The following SAFB2 variants were observed in gnomAD, a reference collection of about 807,000 sequenced individuals.
SAFB2 encodes scaffold attachment factor B2.
Under a neutral mutation model 100.6 loss-of-function variants are expected in SAFB2, and 32 were observed. The observed-to-expected ratio is 0.32, with a 90% CI of 0.24 to 0.43. The LOEUF (loss-of-function observed/expected upper bound fraction) is 0.43. Ranked by LOEUF, SAFB2 falls within the 20% of genes least tolerant of loss-of-function variation. The probability of loss-of-function intolerance (pLI) is 1.00; values close to 1 mark genes in which losing one functional copy is unlikely to be tolerated. For synonymous variants in SAFB2, 500 were observed against 439.4 expected (o/e 1.14, Z -1.72); for missense variants, 1,185 against 1,163.4 (o/e 1.02, Z -0.27).
chr19:5,593,935 G>C lies in SAFB2; in HGVS notation c.2163C>G (p.Tyr721Ter). The change falls in exon 15 of 21, where the codon TAC becomes TAG. Residue 721 changes from tyrosine (Y) to a stop codon, truncating the protein, a stop_gained. Transcript: ENST00000252542. LOFTEE classifies it high-confidence loss of function. ...TCCGCCCGGGCCGCCGCTCCTGCTC[G>C]TAACGCAGCTGCTCCTGCTGGCGCC... is the stretch of plus-strand genomic sequence containing the variant. ...ELRRQQEQLR[Y>*]EQERRPGRRP... 6.4e-7 allele frequency: 1 copy of C among 1,550,934 alleles called. No homozygotes were observed. Among genetic ancestry groups the C allele is most frequent in the Non-Finnish European group, 8.6e-7 (1 of 1,158,540 alleles).
chr19:5,622,055 C>T (rs1452652559), intron 1 of SAFB2, among the ~76,000 whole-genome samples: 1 of 152,198 alleles, frequency 6.6e-6, no homozygotes, highest in East Asian at 1.9e-4. Flanking sequence ...AACAAGGGGC[C>T]GGCCACGAGA....
At chr19:5,596,566 ACTC>A (rs777121137) in intron 13 of SAFB2, among the ~76,000 whole-genome samples, 14 of 152,010 alleles carry the variant, frequency 9.2e-5, no homozygotes, top group Non-Finnish European at 1.5e-4. Context: ...CTGGTCTCAA[ACTC>A]CTGAGCTCAA....
At chr19:5,591,851 G>C (rs377168029) in intron 16 of SAFB2, 58 bp from the exon 17 acceptor site, 3 of 1,569,844 alleles carry the variant, frequency 1.9e-6, no homozygotes, top group Admixed American at 3.4e-5. Flanking sequence ...CATTTCTGCA[G>C]GTCAGGCAAG....
Position 5,610,030 on chromosome 19 carries a change from T to C in SAFB2, c.1261A>G (p.Thr421Ala), listed in dbSNP as rs759105724. 5 of 1,614,178 alleles carry C rather than the reference T, an allele frequency of 3.1e-6. No individual in the cohort carries two copies. The highest frequency in any genetic ancestry group is 3.4e-6 in the Non-Finnish European group (4 of 1,180,012). The change falls in exon 9 of 21, where the codon ACG becomes GCG. Residue 421 changes from threonine to alanine, a missense_variant. By Grantham distance (58) the Thr-to-Ala change is moderately conservative. Transcript: ENST00000252542. ...TTGCTGAAAAGGTTCTTGAGATCCG[T>C]AGCGCGTGTTGTGGAGGACAGCCCG... The part of the protein sequence containing the change: ...VSGLSSTTRA[T>A]DLKNLFSKYG...
chr19:5,622,671 C>T lies in SAFB2; in HGVS notation c.45G>A (p.Thr15=), dbSNP rs747069900. 6.2e-7 allele frequency: 1 copy of T among 1,607,728 alleles called. No individual in the cohort carries two copies. The highest frequency in any genetic ancestry group is 1.7e-5 in the Admixed American group (1 of 59,818). ...CCGCAACGCCCGGGCCGAGAGAAGC[C>T]GTGCCAGGGCCCGAGTCGCCCGACC... ...LPGSGDSGPG[T]ASLGPGVAET... is the part of the protein sequence containing the mutation. The change falls in exon 1 of 21, where the codon ACG becomes ACA. Residue 15 remains threonine (T), a synonymous_variant. Transcript: ENST00000252542.
chr19:5,620,744 G>T (rs987631258), intron 2 of SAFB2, among the ~76,000 whole-genome samples: 3 of 152,238 alleles, frequency 2.0e-5, no homozygotes, highest in African/African-American at 7.2e-5. Flanking sequence ...GAAGGAGACG[G>T]TGGTGGTGGT....
intron 18 of SAFB2, 76 bp downstream of exon 18, chr19:5,590,202 A>G (rs2052360840): frequency 7.8e-7 from 1 of 1,287,852 alleles, no homozygotes; most frequent in African/African-American, 1.5e-5. Flanking sequence ...AACCTTGGGG[A>G]CGTGCCTGGC....
intron 16 of SAFB2, among the ~76,000 whole-genome samples, chr19:5,592,316 T>G (rs551440048): frequency 2.0e-5 from 3 of 152,298 alleles, no homozygotes; most frequent in Admixed American, 2.0e-4. Flanking sequence ...ATAAACTAGA[T>G]GTATTCCTCA....
chr19:5,617,880 G>T (rs1018459313), intron 2 of SAFB2, among the ~76,000 whole-genome samples: 1 of 152,008 alleles, frequency 6.6e-6, no homozygotes, highest in Non-Finnish European at 1.5e-5. Flanking sequence ...AGTGGTTCAC[G>T]CCTGTAATCC....
In SAFB2 at chr19:5,594,093, G is replaced by A; in HGVS notation, c.2005C>T (p.Gln669Ter). ...AGCCGCTGGCGCTGGCACTCGAGCT[G>A]CAGGCGTTCCCGCTGTAGCCGGGCC... is the stretch of plus-strand genomic sequence containing the variant. ...EKARLQRERL[Q>*]LECQRQRLER... Residue 669 changes from glutamine to a stop codon, truncating the protein, a stop_gained, in exon 15 of 21, where the codon CAG becomes TAG. Transcript: ENST00000252542. LOFTEE classifies it high-confidence loss of function. 6.3e-7 allele frequency: 1 copy of A among 1,599,330 alleles called. No individual in the cohort carries two copies. The highest frequency in any genetic ancestry group is 8.5e-7 in the Non-Finnish European group (1 of 1,177,480).
chr19:5,617,238 A>C (rs934603593), intron 2 of SAFB2, among the ~76,000 whole-genome samples: 35 of 152,160 alleles, frequency 2.3e-4, no homozygotes, highest in African/African-American at 8.2e-4. Flanking sequence ...ACCCATTTCA[A>C]GTAGGTCTTT....
intron 5 of SAFB2, among the ~76,000 whole-genome samples, chr19:5,612,781 A>G (rs1440152417): frequency 6.6e-6 from 1 of 152,230 alleles, no homozygotes; most frequent in African/African-American, 2.4e-5. Flanking sequence ...TAGTGATAAC[A>G]GTCTGTCCCA....
chr19:5,603,688 G>C (rs1487238406), intron 11 of SAFB2, among the ~76,000 whole-genome samples: 2 of 152,026 alleles, frequency 1.3e-5, no homozygotes, highest in Admixed American at 1.3e-4. Flanking sequence ...AACTCACAGG[G>C]TGCCACCGTG....
At chr19:5,606,287 A>G (rs1048228164) in intron 9 of SAFB2, among the ~76,000 whole-genome samples, 4 of 152,250 alleles carry the variant, frequency 2.6e-5, no homozygotes, top group African/African-American at 4.8e-5. Flanking sequence ...AGATACAAGT[A>G]TAACTAGCAC....
At chr19:5,610,558 A>G in intron 8 of SAFB2, 81 bp downstream of exon 8, 1 of 1,000,754 alleles carries the variant, frequency 1.0e-6, no homozygotes, top group East Asian at 2.5e-5. Flanking sequence ...TACTGAATCC[A>G]AAGTGTGTAT....
At chr19:5,595,601 T>C (rs780704779) in intron 13 of SAFB2, 104 bp from the exon 14 acceptor site, 2 of 1,382,802 alleles carry the variant, frequency 1.4e-6, no homozygotes, top group Non-Finnish European at 2.0e-6. Context: ...TGGCCCCACA[T>C]GGTGTAGATG....
Position 5,600,233 on chromosome 19 carries a change from A to C in SAFB2, c.1587T>G (p.Ile529Met), listed in dbSNP as rs960386078. 3 of 1,611,992 alleles carry C rather than the reference A, an allele frequency of 1.9e-6. No individual in the cohort carries two copies. The African/African-American group carries it at 4.0e-5, about 22-fold the overall frequency. ...CAGGCTTTTTTTCCTCCTTCTTCTC[A>C]ATCTTCTCTTCCTTCTTAATTACAG... ...EKTVIKKEEK[I>M]EKKEEKKPED... Residue 529 changes from isoleucine (I) to methionine (M), a missense_variant, in exon 12 of 21, where the codon ATT becomes ATG. Transcript: ENST00000252542.
chr19:5,616,302 T>C lies in SAFB2; in HGVS notation c.373A>G (p.Asn125Asp), dbSNP rs778994244. The change falls in exon 4 of 21, where the codon AAT becomes GAT. Residue 125 changes from asparagine (N) to aspartate (D), a missense_variant. Physicochemically the swap from Asn to Asp is conservative, Grantham distance 23. Transcript: ENST00000252542. ...DMEASLENLQ[N>D]MGMMDMSVLD... ...ACACTCATGTCCATCATGCCCATAT[T>C]CTGCAGGTTCTCCAGACTTGCTTCC... The C allele has an allele frequency of 6.8e-6, 11 of 1,614,118 alleles. No homozygotes were observed. The African/African-American group carries it at 1.2e-4, about 18-fold the overall frequency.
In SAFB2 at chr19:5,592,882, T is replaced by C. The variant is rs372765913; in HGVS notation, c.2213A>G (p.Asp738Gly). Residue 738 changes from aspartate (D) to glycine (G), a missense_variant, in exon 16 of 21, where the codon GAT (aspartate) becomes GGT (glycine). Transcript: ENST00000252542. ...GRRPYDLDRR[D>G]DAYWPEGKRV... The stretch of plus-strand genomic sequence containing the variant: ...CTTTCCTTCTGGCCAATAGGCATCA[T>C]CTCGTCTGTTGGTTTTTATTTTAAA... The C allele has an allele frequency of 2.2e-5, 35 of 1,613,806 alleles. No individual in the cohort carries two copies. Among genetic ancestry groups the C allele is most frequent in the Non-Finnish European group, 2.9e-5 (34 of 1,179,920 alleles).
Sources: allele counts gnomAD v4.1 joint callset (sites outside exome capture counted in the v4.1 genomes callset), GRCh38; gene constraint gnomAD v4.1.1; transcripts MANE v1.5; gene names NCBI Gene and HGNC (gene_info 2026-07-23, HGNC 2026-07-21).